Variants in C11orf65 observed in about 807,000 individuals in gnomAD.
C11orf65 encodes chromosome 11 open reading frame 65, also known as protein MFI.
A neutral mutation model predicts 35.3 loss-of-function variants in C11orf65; 38 were observed. That is an observed-to-expected ratio of 1.08 (90% confidence interval 0.83 to 1.41). The LOEUF (loss-of-function observed/expected upper bound fraction) is 1.41, where lower values mean the gene tolerates loss of function less well. Among genes scored for constraint, C11orf65 ranks in the 40% most tolerant of loss-of-function variants. The probability of loss-of-function intolerance (pLI) is 0.00; values close to 1 mark genes in which losing one functional copy is unlikely to be tolerated. For synonymous variants in C11orf65, 105 were observed against 114.4 expected (o/e 0.92, Z 0.53); for missense variants, 370 against 367.1 (o/e 1.01, Z -0.06).
intron 6 of C11orf65, among the ~76,000 whole-genome samples, chr11:108,324,376 A>G (rs560318641): frequency 3.2e-4 from 48 of 152,120 alleles, no homozygotes; most frequent in Non-Finnish European, 6.2e-4. Flanking sequence ...TTTATGATAT[A>G]TAGTAGATTT....
chr11:108,364,646 G>A (rs138032183), intron 2 of C11orf65, among the ~76,000 whole-genome samples: 101 of 152,238 alleles, frequency 6.6e-4, no homozygotes, highest in African/African-American at 2.3e-3. Context: ...TGGAGAAGAC[G>A]GCTTAGGAGT....
At chr11:108,338,274 C>G (rs560644674) in intron 2 of C11orf65, among the ~76,000 whole-genome samples, 2 of 152,104 alleles carry the variant, frequency 1.3e-5, no homozygotes, top group South Asian at 4.1e-4. Context: ...TCACTTAAAC[C>G]CGGATGGCAG....
chr11:108,387,558 C>T lies in C11orf65; in HGVS notation c.732-1583G>A, dbSNP rs994709132. ...ACTTATTTTTATGGAGACAAGGTCT[C>T]GCTCTGTCTCCCAGGCTGCAGTGCA... is the stretch of plus-strand genomic sequence containing the variant. On this transcript the variant is annotated intron_variant, in intron 7 of 8. Transcript: ENST00000393084. Among the ~76,000 whole-genome samples, 9 of 152,196 alleles carry T rather than the reference C, an allele frequency of 5.9e-5. 1 individual carries two copies. The highest frequency in any genetic ancestry group is 1.7e-4 in the African/African-American group (7 of 41,534).
chr11:108,437,542 A>C (rs1442864920), intron 2 of C11orf65, among the ~76,000 whole-genome samples: 1 of 151,702 alleles, frequency 6.6e-6, no homozygotes. Flanking sequence ...CGTCTCTACT[A>C]AGCATACAAA....
At chr11:108,459,126 G>A (rs987302020) in intron 2 of C11orf65, among the ~76,000 whole-genome samples, 4 of 152,158 alleles carry the variant, frequency 2.6e-5, no homozygotes, top group African/African-American at 9.7e-5. Context: ...ATTAAGCAGG[G>A]TGTCTCTCAA....
rs200080117 is a variant in C11orf65 at position 108,391,315 on chromosome 11, A to T, written c.731+1893T>A. The stretch of plus-strand genomic sequence containing the variant: ...CATATGCCATACAATTCCCCCATTT[A>T]AAGTATAGTATCCAGTGGCTTTTAG... On this transcript the variant is annotated intron_variant, in intron 7 of 8. Coordinates refer to ENST00000393084, the MANE Select transcript of C11orf65 (RefSeq NM_152587.5). Among the ~76,000 whole-genome samples the T allele has an allele frequency of 2.6e-5, 4 of 152,192 alleles. No homozygotes were observed. In the East Asian group the frequency reaches 7.7e-4, roughly 29 times the overall value.
Position 108,448,859 on chromosome 11 carries a change from C to T in C11orf65, c.81+12620G>A, listed in dbSNP as rs569618461. 3.0e-3 allele frequency among the ~76,000 whole-genome samples: 453 copies of T among 152,136 alleles called. 2 individuals are homozygous for T. The highest frequency in any genetic ancestry group is 9.7e-3 in the African/African-American group (402 of 41,520). ...AAGTCAAATTGTCCCTGTTTGCAGA[C>T]GACATGATTGTATATCTAGAAAACC... On this transcript the variant is annotated intron_variant, in intron 2 of 8. Transcript: ENST00000393084.
intron 2 of C11orf65, among the ~76,000 whole-genome samples, chr11:108,438,516 A>C (rs562174897): frequency 6.6e-6 from 1 of 151,810 alleles, no homozygotes; most frequent in South Asian, 2.1e-4. Context: ...GAGTCACTGC[A>C]CTCCAGCTTG....
chr11:108,385,489 C>T (rs145083074), intron 8 of C11orf65, among the ~76,000 whole-genome samples: 6 of 151,956 alleles, frequency 3.9e-5, no homozygotes, highest in African/African-American at 7.2e-5. Context: ...AAGACCATCC[C>T]GGCTAACACA....
chr11:108,384,405 A>C (rs1404651560), intron 8 of C11orf65, among the ~76,000 whole-genome samples: 1 of 152,168 alleles, frequency 6.6e-6, no homozygotes, highest in Non-Finnish European at 1.5e-5. Flanking sequence ...ATTATCTCAC[A>C]ACCTATGTGC....
chr11:108,333,020 T>C, intron 3 of C11orf65: 1 of 1,274,876 alleles, frequency 7.8e-7, no homozygotes, highest in Non-Finnish European at 1.1e-6. Context: ...TCCAAAAGCT[T>C]AATTTATATC....
chr11:108,365,621 T>C, intron 2 of C11orf65: 1 of 1,315,714 alleles, frequency 7.6e-7, no homozygotes, highest in Middle Eastern at 1.9e-4. Flanking sequence ...TGAACTATTG[T>C]GGGTTTTTTT....
At chr11:108,427,366 G>T (rs1184578477) in intron 3 of C11orf65, among the ~76,000 whole-genome samples, 1 of 151,284 alleles carries the variant, frequency 6.6e-6, no homozygotes, top group Non-Finnish European at 1.5e-5. Context: ...CACCAAAAAG[G>T]GGGTGAAGGA....
chr11:108,327,578 C>T, downstream of C11orf65: 1 of 1,316,626 alleles, frequency 7.6e-7, no homozygotes, highest in Non-Finnish European at 1.1e-6. Context: ...TTTCCCCGTA[C>T]ATGAAGGGCA....
downstream of C11orf65, among the ~76,000 whole-genome samples, chr11:108,379,269 C>T (rs1280573253): frequency 1.3e-5 from 2 of 152,084 alleles, no homozygotes; most frequent in African/African-American, 4.8e-5. Context: ...AAATGTGGCA[C>T]ATATATACCA....
At chr11:108,382,306 G>A (rs2091881793), downstream of C11orf65, among the ~76,000 whole-genome samples, 3 of 152,106 alleles carry the variant, frequency 2.0e-5, no homozygotes, top group Admixed American at 2.0e-4. Context: ...AAGGGAATGG[G>A]AATCCAAAGA....
At chr11:108,331,288 TAAGAA>T (rs2086205558), downstream of C11orf65, 8 of 1,391,324 alleles carry the variant, frequency 5.7e-6, no homozygotes, top group Middle Eastern at 2.7e-4. Flanking sequence ...GACCTTCAGA[TAAGAA>T]AAGAAATGAA....
chr11:108,443,829 C>A (rs2093203320), intron 2 of C11orf65, among the ~76,000 whole-genome samples: 1 of 151,976 alleles, frequency 6.6e-6, no homozygotes. Context: ...AGTGTGTAGA[C>A]AGAAATTTAT....
intron 2 of C11orf65, among the ~76,000 whole-genome samples, chr11:108,437,889 C>T (rs913428736): frequency 2.0e-5 from 3 of 151,846 alleles, no homozygotes; most frequent in Non-Finnish European, 4.4e-5. Context: ...ATAGAAAAGC[C>T]CATCCTAAAA....
Sources: gnomAD v4.1 joint callset for allele counts (sites outside exome capture counted in the v4.1 genomes callset) on GRCh38, gnomAD v4.1.1 for gene constraint, MANE v1.5 for transcripts, NCBI Gene and HGNC (gene_info 2026-07-23, HGNC 2026-07-21) for gene names.